OXR1: variants seen among roughly 807,000 people sequenced by gnomAD.
OXR1 encodes the protein oxidation resistance 1, also known as oxidation resistance protein 1.
OXR1 carries 41 observed loss-of-function variants against 104.6 expected under a neutral mutation model. That is an observed-to-expected ratio of 0.39 (90% CI 0.31 to 0.51). OXR1 has a LOEUF of 0.51. OXR1 is among the 20% of genes least tolerant of loss of function. The probability of loss-of-function intolerance (pLI) is 0.77; values close to 1 mark genes in which losing one functional copy is unlikely to be tolerated. For synonymous variants in OXR1, 348 were observed against 348.4 expected (o/e 1.00, Z 0.01); for missense variants, 955 against 1,031.9 (o/e 0.93, Z 1.02).
At chr8:106,289,325 C>CA (rs898607147) in intron 1 of OXR1, among the ~76,000 whole-genome samples, 1 of 152,112 alleles carries the variant, frequency 6.6e-6, no homozygotes, top group African/African-American at 2.4e-5. Context: ...TTTCAGTATA[C>CA]AAAATCAATG....
At chr8:106,422,880 T>C (rs1439406127) in intron 2 of OXR1, among the ~76,000 whole-genome samples, 1 of 152,218 alleles carries the variant, frequency 6.6e-6, no homozygotes. Context: ...ATTAATATTA[T>C]AGAGAACTTT....
chr8:106,553,551 C>A (rs929641598), intron 3 of OXR1, among the ~76,000 whole-genome samples: 1 of 152,106 alleles, frequency 6.6e-6, no homozygotes, highest in Non-Finnish European at 1.5e-5. Context: ...AGCTCCTGAG[C>A]TCAAGCGATC....
intron 3 of OXR1, among the ~76,000 whole-genome samples, chr8:106,600,969 G>A (rs1414045341): frequency 6.6e-6 from 1 of 152,170 alleles, no homozygotes; most frequent in Non-Finnish European, 1.5e-5. Context: ...GTAATTAAAT[G>A]TTCTAATAAA....
chr8:106,497,788 A>ATGTGTGTG (rs5893796), intron 2 of OXR1, among the ~76,000 whole-genome samples: 2 of 150,434 alleles, frequency 1.3e-5, no homozygotes, highest in African/African-American at 4.9e-5. Flanking sequence ...TGGTCACCAT[A>ATGTGTGTG]TGTGTGTGTG....
chr8:106,561,990 AG>A (rs1816719913), intron 3 of OXR1, among the ~76,000 whole-genome samples: 1 of 152,222 alleles, frequency 6.6e-6, no homozygotes, highest in South Asian at 2.1e-4. Context: ...AAAAGACCAA[AG>A]GTAGATAAAC....
In OXR1 at chr8:106,401,366, G is replaced by A. The variant is rs184521396; in HGVS notation, c.23+41730G>A. On this transcript the variant is annotated intron_variant, in intron 2 of 16. Coordinates refer to ENST00000517566, the MANE Select transcript of OXR1 (RefSeq NM_001198533.2). The stretch of plus-strand genomic sequence containing the variant: ...TGGTCTTATCTTCCTCTAATTAAGC[G>A]TTCGGTGTCTACTAAGGCCTGGTAA... Among the ~76,000 whole-genome samples the A allele has an allele frequency of 2.4e-4, 37 of 152,232 alleles. 2 individuals are homozygous for A. Among genetic ancestry groups the A allele is most frequent in the Admixed American group, 2.3e-3 (35 of 15,290 alleles).
At chr8:106,437,439 T>C (rs955776814) in intron 2 of OXR1, among the ~76,000 whole-genome samples, 3 of 152,170 alleles carry the variant, frequency 2.0e-5, no homozygotes, top group Non-Finnish European at 2.9e-5. Context: ...GACTGCACTA[T>C]TTTCTGCCTT....
At chr8:106,677,759 G>A (rs999418179) in intron 3 of OXR1, among the ~76,000 whole-genome samples, 18 of 152,102 alleles carry the variant, frequency 1.2e-4, no homozygotes, top group Middle Eastern at 3.4e-3. Context: ...GTATGCGCAC[G>A]CGTGTGTGTG....
intron 2 of OXR1, among the ~76,000 whole-genome samples, chr8:106,481,464 T>C (rs1307186385): frequency 6.6e-6 from 1 of 152,074 alleles, no homozygotes; most frequent in Non-Finnish European, 1.5e-5. Context: ...TAAATGGTTC[T>C]CCAATAAAGT....
chr8:106,400,538 A>C (rs1014585712), intron 2 of OXR1, among the ~76,000 whole-genome samples: 4 of 148,230 alleles, frequency 2.7e-5, no homozygotes, highest in Admixed American at 2.0e-4. Flanking sequence ...AAGGTATTAA[A>C]ATGCTGATAA....
chr8:106,368,694 C>T (rs1302654034), intron 2 of OXR1, among the ~76,000 whole-genome samples: 1 of 152,122 alleles, frequency 6.6e-6, no homozygotes, highest in Non-Finnish European at 1.5e-5. Context: ...AGGATGATGG[C>T]TTCCAGCTTC....
chr8:106,704,160 G>T (rs1453870686), intron 8 of OXR1, among the ~76,000 whole-genome samples: 1 of 152,074 alleles, frequency 6.6e-6, no homozygotes, highest in Non-Finnish European at 1.5e-5. Flanking sequence ...TTCCTAGAAG[G>T]TGTTAGTATC....
At chr8:106,416,875 G>GAA in intron 2 of OXR1, among the ~76,000 whole-genome samples, 1 of 152,046 alleles carries the variant, frequency 6.6e-6, no homozygotes, top group Non-Finnish European at 1.5e-5. Context: ...AGCTTTTGAA[G>GAA]GTTTTATTTC....
intron 1 of OXR1, among the ~76,000 whole-genome samples, chr8:106,271,341 G>A (rs1289096264): frequency 2.0e-5 from 3 of 152,060 alleles, no homozygotes; most frequent in Non-Finnish European, 4.4e-5. Flanking sequence ...AGTCGTTTAC[G>A]GGGGGAGCTG....
At chr8:106,548,141 T>C (rs1815517228) in intron 3 of OXR1, among the ~76,000 whole-genome samples, 1 of 152,152 alleles carries the variant, frequency 6.6e-6, no homozygotes, top group South Asian at 2.1e-4. Flanking sequence ...TTTCTGTTTG[T>C]TGTATTTGTT....
chr8:106,747,158 T>A (rs1323367834), intron 16 of OXR1, among the ~76,000 whole-genome samples: 1 of 152,038 alleles, frequency 6.6e-6, no homozygotes, highest in Non-Finnish European at 1.5e-5. Context: ...GGCTTTGGAG[T>A]CCAATAGACA....
At chr8:106,350,760 T>C (rs1815688895) in intron 1 of OXR1, among the ~76,000 whole-genome samples, 1 of 152,216 alleles carries the variant, frequency 6.6e-6, no homozygotes, top group Non-Finnish European at 1.5e-5. Context: ...CATGCTGACC[T>C]TAATCATTCA....
chr8:106,714,048 G>A, intron 11 of OXR1, 63 bp downstream of exon 11: 1 of 1,263,290 alleles, frequency 7.9e-7, no homozygotes. Context: ...ATAGCTTTAT[G>A]GTAGTACAAA....
At chr8:106,476,050 T>A (rs1204350255) in intron 2 of OXR1, among the ~76,000 whole-genome samples, 1 of 151,880 alleles carries the variant, frequency 6.6e-6, no homozygotes, top group African/African-American at 2.4e-5. Flanking sequence ...ACAATGATGG[T>A]AGCTTCAATG....
Sources: allele counts gnomAD v4.1 joint callset (sites outside exome capture counted in the v4.1 genomes callset), GRCh38; gene constraint gnomAD v4.1.1; transcripts MANE v1.5; gene names NCBI Gene and HGNC (gene_info 2026-07-23, HGNC 2026-07-21).